Variants in CCDC60 observed in about 807,000 individuals in gnomAD.
The protein encoded by CCDC60 is coiled-coil domain-containing protein 60.
Under a neutral mutation model 63.5 loss-of-function variants are expected in CCDC60, and 54 were observed. That is an observed-to-expected ratio of 0.85 (90% CI 0.68 to 1.07). The LOEUF is 1.07. Ranked by LOEUF, CCDC60 falls within the 50% of genes least tolerant of loss-of-function variation. CCDC60 has a pLI of 0.00. For missense variants in CCDC60, 651 were observed against 684.3 expected, an observed-to-expected ratio of 0.95 and a Z score of 0.54; for synonymous variants, 206 against 238.8, an observed-to-expected ratio of 0.86 and a Z score of 1.27.
chr12:119,538,027 G>A (rs747186348), intron 13 of CCDC60, among the ~76,000 whole-genome samples: 1 of 152,236 alleles, frequency 6.6e-6, no homozygotes, highest in Non-Finnish European at 1.5e-5. Flanking sequence ...CCCAGAGGTG[G>A]AATCTACAGA....
At chr12:119,433,095 G>A (rs575891435) in intron 2 of CCDC60, among the ~76,000 whole-genome samples, 9 of 152,190 alleles carry the variant, frequency 5.9e-5, no homozygotes, top group Non-Finnish European at 1.0e-4. Context: ...TCTGCACCAC[G>A]GTGACAATAT....
intron 8 of CCDC60, among the ~76,000 whole-genome samples, chr12:119,519,053 C>A (rs952680893): frequency 6.6e-6 from 1 of 152,206 alleles, no homozygotes; most frequent in Non-Finnish European, 1.5e-5. Flanking sequence ...AAAGCTTCAA[C>A]GCAGAGCTAC....
intron 1 of CCDC60, among the ~76,000 whole-genome samples, chr12:119,421,194 T>C (rs1788505352): frequency 6.6e-6 from 1 of 152,220 alleles, no homozygotes. Context: ...GAACATTCTT[T>C]CATAAAACAC....
intron 1 of CCDC60, among the ~76,000 whole-genome samples, chr12:119,341,580 G>A (rs867828352): frequency 3.3e-5 from 5 of 152,180 alleles, no homozygotes; most frequent in Admixed American, 1.3e-4. Flanking sequence ...TACTGAGCAC[G>A]ATACCCAGTT....
At chr12:119,402,609 T>G (rs922410587) in intron 1 of CCDC60, among the ~76,000 whole-genome samples, 1 of 152,152 alleles carries the variant, frequency 6.6e-6, no homozygotes, top group Non-Finnish European at 1.5e-5. Context: ...CAAGGGTAAA[T>G]GGAAATAATA....
chr12:119,492,201 T>C (rs1039160394), intron 5 of CCDC60, among the ~76,000 whole-genome samples: 12 of 152,170 alleles, frequency 7.9e-5, no homozygotes, highest in African/African-American at 2.7e-4. Context: ...GGCATTTTAG[T>C]TTAGGGTCAA....
intron 1 of CCDC60, among the ~76,000 whole-genome samples, chr12:119,367,775 A>C (rs141639475): frequency 1.6e-3 from 237 of 152,354 alleles, no homozygotes; most frequent in South Asian, 0.013. Context: ...TGGTCACAAA[A>C]GGATGCATAT....
At chr12:119,390,157 C>T (rs1956131421) in intron 1 of CCDC60, among the ~76,000 whole-genome samples, 1 of 152,182 alleles carries the variant, frequency 6.6e-6, no homozygotes, top group South Asian at 2.1e-4. Context: ...CTTCAATATA[C>T]CTCACATCTT....
At chr12:119,502,153 G>A (rs569038880) in intron 6 of CCDC60, among the ~76,000 whole-genome samples, 2 of 152,330 alleles carry the variant, frequency 1.3e-5, no homozygotes, top group South Asian at 2.1e-4. Context: ...GCAAACTGGA[G>A]CACTCCTGCA....
Position 119,522,999 on chromosome 12 carries a change from AAAGT to A in CCDC60, c.1103+2_1103+5del. ...TCCAACCAGTCCAGAAGAAGTCTAA[AAAGT>A]AAGCCAGGAGGGCAATGGAAGGAAC... On this transcript the variant is annotated splice_donor_variant and coding_sequence_variant, in exon 10 of 14. Coordinates refer to ENST00000327554, the MANE Select transcript of CCDC60 (RefSeq NM_178499.5). LOFTEE classifies it high-confidence loss of function. 3 of 1,614,066 alleles carry A rather than the reference AAAGT, an allele frequency of 1.9e-6. No individual in the cohort carries two copies. The highest frequency in any genetic ancestry group is 2.5e-6 in the Non-Finnish European group (3 of 1,179,920).
At chr12:119,467,916 G>A (rs1033249128) in intron 2 of CCDC60, among the ~76,000 whole-genome samples, 2 of 152,128 alleles carry the variant, frequency 1.3e-5, no homozygotes, top group Admixed American at 6.5e-5. Context: ...CAAAATGGAA[G>A]CATATTTTTG....
intron 1 of CCDC60, among the ~76,000 whole-genome samples, chr12:119,380,454 A>G (rs58196629): frequency 3.7e-4 from 57 of 152,342 alleles, no homozygotes; most frequent in African/African-American, 1.3e-3. Flanking sequence ...TCAAGAAAGT[A>G]TAGTGAGAAC....
At chr12:119,393,339 G>GA (rs1956193946) in intron 1 of CCDC60, among the ~76,000 whole-genome samples, 2 of 152,300 alleles carry the variant, frequency 1.3e-5, no homozygotes, top group South Asian at 4.1e-4. Flanking sequence ...GGAGGAGGGG[G>GA]AAAATGCATT....
At chr12:119,464,563 G>GA (rs1475442810) in intron 2 of CCDC60, among the ~76,000 whole-genome samples, 1 of 152,020 alleles carries the variant, frequency 6.6e-6, no homozygotes, top group Non-Finnish European at 1.5e-5. Context: ...GGGAACCCCC[G>GA]AAAAACCTTA....
At chr12:119,538,344 G>A (rs554984) in intron 13 of CCDC60, among the ~76,000 whole-genome samples, 30,077 of 152,164 alleles carry the variant, frequency 0.2, 3,749 homozygotes, top group East Asian at 0.52. Flanking sequence ...GGCTAGGAAA[G>A]GGAAAACCCC....
intron 9 of CCDC60, among the ~76,000 whole-genome samples, chr12:119,521,089 G>C (rs2136492547): frequency 6.6e-6 from 1 of 152,286 alleles, no homozygotes; most frequent in African/African-American, 2.4e-5. Context: ...TAGTAATCTA[G>C]ATTGCTATAT....
chr12:119,342,191 G>T (rs1279858393), intron 1 of CCDC60, among the ~76,000 whole-genome samples: 1 of 152,190 alleles, frequency 6.6e-6, no homozygotes, highest in African/African-American at 2.4e-5. Flanking sequence ...GCTGTCCCAG[G>T]TCACAAAATG....
intron 11 of CCDC60, among the ~76,000 whole-genome samples, chr12:119,525,913 A>G (rs1952665806): frequency 6.6e-6 from 1 of 152,190 alleles, no homozygotes; most frequent in South Asian, 2.1e-4. Context: ...AGAAAAAAAT[A>G]TTTTAAAAAT....
intron 7 of CCDC60, among the ~76,000 whole-genome samples, chr12:119,505,858 A>T (rs1053745150): frequency 5.9e-5 from 9 of 152,258 alleles, no homozygotes; most frequent in Admixed American, 5.9e-4. Flanking sequence ...CCATCTCAAA[A>T]AAAAGCATTT....
Sources: allele counts gnomAD v4.1 joint callset (sites outside exome capture counted in the v4.1 genomes callset), GRCh38; gene constraint gnomAD v4.1.1; transcripts MANE v1.5; gene names NCBI Gene and HGNC (gene_info 2026-07-23, HGNC 2026-07-21).